The following CALN1 variants were observed in gnomAD, a reference collection of about 807,000 sequenced individuals.
CALN1 encodes calcium-binding protein 8.
In CALN1, 17 loss-of-function variants were observed where a neutral mutation model predicts 30.6. That is an observed-to-expected ratio of 0.56 (90% CI 0.38 to 0.83). The LOEUF (loss-of-function observed/expected upper bound fraction) is 0.83, where lower values mean the gene tolerates loss of function less well. CALN1 is among the 40% of genes least tolerant of loss of function. CALN1 has a pLI of 0.00. For synonymous variants in CALN1, 156 were observed against 131.4 expected (o/e 1.19, Z -1.28); for missense variants, 291 against 354.9 (o/e 0.82, Z 1.45).
intron 4 of CALN1, among the ~76,000 whole-genome samples, chr7:72,038,987 C>T (rs1452962655): frequency 6.6e-6 from 1 of 152,180 alleles, no homozygotes; most frequent in Non-Finnish European, 1.5e-5. Flanking sequence ...ACTCTATGGA[C>T]TCACCCCACA....
chr7:72,321,085 A>C (rs751323371), intron 2 of CALN1, among the ~76,000 whole-genome samples: 19 of 152,210 alleles, frequency 1.2e-4, no homozygotes, highest in Non-Finnish European at 2.4e-4. Flanking sequence ...ATGCTGCCTC[A>C]ATCTTTATGC....
intron 5 of CALN1, among the ~76,000 whole-genome samples, chr7:71,834,397 G>C (rs933944561): frequency 1.4e-5 from 2 of 144,644 alleles, no homozygotes; most frequent in African/African-American, 5.2e-5. Flanking sequence ...AGTCAATTGA[G>C]CCCAGGCTGA....
At chr7:72,061,785 A>G (rs1345579040) in intron 4 of CALN1, among the ~76,000 whole-genome samples, 1 of 139,924 alleles carries the variant, frequency 7.1e-6, no homozygotes, top group Non-Finnish European at 1.5e-5. Context: ...CGACAGAGCA[A>G]GACTCTGTCT....
the CALN1 span, among the ~76,000 whole-genome samples, chr7:72,454,031 A>T: frequency 2.6e-5 from 4 of 151,430 alleles, no homozygotes; most frequent in African/African-American, 4.9e-5. Context: ...CAACTAAAAA[A>T]CTTTGCTTTG....
At chr7:71,928,136 ACCT>A (rs1365191860) in intron 5 of CALN1, among the ~76,000 whole-genome samples, 1 of 151,662 alleles carries the variant, frequency 6.6e-6, no homozygotes, top group Non-Finnish European at 1.5e-5. Context: ...GCTTTCTCTC[ACCT>A]CCTGCCCCAT....
intron 2 of CALN1, among the ~76,000 whole-genome samples, chr7:72,390,349 T>G (rs1007501617): frequency 6.6e-6 from 1 of 152,024 alleles, no homozygotes; most frequent in Non-Finnish European, 1.5e-5. Flanking sequence ...GAGAATCACT[T>G]GAACCTGGGA....
At chr7:71,961,667 G>GC (rs1797254042) in intron 5 of CALN1, among the ~76,000 whole-genome samples, 1 of 152,134 alleles carries the variant, frequency 6.6e-6, no homozygotes, top group Non-Finnish European at 1.5e-5. Context: ...GCACCTCTCT[G>GC]CCCTGGGCCC....
intron 5 of CALN1, among the ~76,000 whole-genome samples, chr7:71,968,433 ACT>A (rs915521253): frequency 2.6e-5 from 4 of 152,022 alleles, no homozygotes; most frequent in Admixed American, 6.6e-5. Context: ...TGACAGAAAT[ACT>A]CTCTTTTATT....
At chr7:71,882,336 C>T (rs1486024137) in intron 5 of CALN1, among the ~76,000 whole-genome samples, 6 of 152,286 alleles carry the variant, frequency 3.9e-5, no homozygotes, top group African/African-American at 1.2e-4. Context: ...TGTGATTACA[C>T]TGGGGCCACT....
At chr7:72,466,278 C>A in the CALN1 span, among the ~76,000 whole-genome samples, 1 of 151,956 alleles carries the variant, frequency 6.6e-6, no homozygotes, top group Admixed American at 6.6e-5. Context: ...CAGGTGTGAA[C>A]AGAAAATTAC....
chr7:72,101,901 A>C (rs1262860070), intron 4 of CALN1, among the ~76,000 whole-genome samples: 2 of 152,228 alleles, frequency 1.3e-5, no homozygotes, highest in African/African-American at 4.8e-5. Context: ...GTATGTGTTA[A>C]CAAAACAAAA....
At chr7:71,899,558 G>A (rs886701220) in intron 5 of CALN1, among the ~76,000 whole-genome samples, 5 of 152,066 alleles carry the variant, frequency 3.3e-5, no homozygotes, top group Admixed American at 2.0e-4. Flanking sequence ...TTTAGACAGG[G>A]ATTTCATGTT....
intron 5 of CALN1, among the ~76,000 whole-genome samples, chr7:71,860,180 C>A (rs998269276): frequency 6.6e-6 from 1 of 150,674 alleles, no homozygotes; most frequent in Non-Finnish European, 1.5e-5. Context: ...CTTTATTGAG[C>A]ATTCTTTATT....
chr7:72,287,601 G>A (rs1027164776), intron 2 of CALN1, among the ~76,000 whole-genome samples: 3 of 151,504 alleles, frequency 2.0e-5, no homozygotes, highest in African/African-American at 4.8e-5. Context: ...CGCCCGCCAC[G>A]ACGCACGGCT....
chr7:72,229,131 GGAA>G (rs1793901474), intron 3 of CALN1, among the ~76,000 whole-genome samples: 1 of 151,798 alleles, frequency 6.6e-6, no homozygotes, highest in South Asian at 2.1e-4. Context: ...AAACGAACAT[GGAA>G]GAAAAGCTGG....
the CALN1 span, among the ~76,000 whole-genome samples, chr7:72,463,702 G>A: frequency 5.9e-5 from 9 of 152,030 alleles, no homozygotes; most frequent in African/African-American, 2.2e-4. Flanking sequence ...TGGGACCACA[G>A]GCAAGCATCA....
At chr7:72,132,014 T>C (rs1348611511) in intron 3 of CALN1, among the ~76,000 whole-genome samples, 1 of 152,210 alleles carries the variant, frequency 6.6e-6, no homozygotes, top group African/African-American at 2.4e-5. Flanking sequence ...TCTCAGTGAA[T>C]AATGAAGTCC....
chr7:71,958,309 C>T (rs1797072670), intron 5 of CALN1, among the ~76,000 whole-genome samples: 1 of 152,156 alleles, frequency 6.6e-6, no homozygotes, highest in East Asian at 1.9e-4. Context: ...AGGTTTCTTG[C>T]CCTATTCTCA....
intron 4 of CALN1, among the ~76,000 whole-genome samples, chr7:72,038,465 T>C (rs1202809280): frequency 6.6e-6 from 1 of 151,884 alleles, no homozygotes; most frequent in Non-Finnish European, 1.5e-5. Flanking sequence ...AACTTTGAAC[T>C]CCTGACCTCA....
Sources: allele counts gnomAD v4.1 joint callset (sites outside exome capture counted in the v4.1 genomes callset), GRCh38; gene constraint gnomAD v4.1.1; transcripts MANE v1.5; gene names NCBI Gene and HGNC (gene_info 2026-07-23, HGNC 2026-07-21).